Variants in SCP2 observed in about 807,000 individuals in gnomAD.
SCP2 encodes SCP-2/3-oxoacyl-CoA thiolase.
In SCP2, 48 loss-of-function variants were observed where a neutral mutation model predicts 71.4. The ratio of observed to expected loss-of-function variants is 0.67; its 90% confidence interval spans 0.53 to 0.86. The LOEUF is 0.86. Ranked by LOEUF, SCP2 falls within the 40% of genes least tolerant of loss-of-function variation. The probability of loss-of-function intolerance (pLI) is 0.00; values close to 1 mark genes in which losing one functional copy is unlikely to be tolerated. For missense variants in SCP2, 560 were observed against 655.6 expected (o/e 0.85, Z 1.59); for synonymous variants, 220 against 218.1 (o/e 1.01, Z -0.08).
chr1:53,000,267 A>G (rs919962986), intron 11 of SCP2, among the ~76,000 whole-genome samples: 5 of 149,140 alleles, frequency 3.4e-5, no homozygotes, highest in Non-Finnish European at 2.9e-5. Flanking sequence ...AAAAAAAAAA[A>G]AAAGAAAGAA....
intron 12 of SCP2, among the ~76,000 whole-genome samples, chr1:53,022,815 T>C (rs1330985000): frequency 2.6e-5 from 4 of 152,186 alleles, no homozygotes; most frequent in Non-Finnish European, 5.9e-5. Context: ...TCTTTGACAT[T>C]GTTGTAGCAG....
intron 11 of SCP2, among the ~76,000 whole-genome samples, chr1:53,009,429 A>G (rs1041291514): frequency 3.3e-5 from 5 of 152,228 alleles, no homozygotes; most frequent in African/African-American, 1.2e-4. Context: ...CAAAACAGAG[A>G]TATAGACCAA....
intron 11 of SCP2, among the ~76,000 whole-genome samples, chr1:53,000,453 T>C (rs1178442701): frequency 6.6e-6 from 1 of 152,212 alleles, no homozygotes; most frequent in South Asian, 2.1e-4. Context: ...CCTTTTGTCG[T>C]AGTTCAGCCT....
chr1:52,993,350 A>T, intron 11 of SCP2: 1 of 1,614,166 alleles, frequency 6.2e-7, no homozygotes, highest in Non-Finnish European at 8.5e-7. Flanking sequence ...TGATGCCTCC[A>T]TGTATGTTAC....
At chr1:52,951,680 T>C (rs1450871740) in intron 4 of SCP2, among the ~76,000 whole-genome samples, 1 of 151,966 alleles carries the variant, frequency 6.6e-6, no homozygotes, top group Admixed American at 6.6e-5. Flanking sequence ...TTTTTGTATA[T>C]TCACAGAATT....
chr1:52,980,746 G>A (rs1170838531), intron 10 of SCP2, among the ~76,000 whole-genome samples: 1 of 152,158 alleles, frequency 6.6e-6, no homozygotes, highest in Non-Finnish European at 1.5e-5. Context: ...ATGATGGAGT[G>A]TCCAGATAAT....
intron 6 of SCP2, among the ~76,000 whole-genome samples, chr1:52,973,166 C>T (rs1657644378): frequency 6.6e-6 from 1 of 152,172 alleles, no homozygotes; most frequent in Non-Finnish European, 1.5e-5. Context: ...TAGGTCAATG[C>T]ATTAATTAAT....
At chr1:53,041,169 C>A (rs1342356373) in intron 14 of SCP2, among the ~76,000 whole-genome samples, 1 of 152,024 alleles carries the variant, frequency 6.6e-6, no homozygotes, top group South Asian at 2.1e-4. Flanking sequence ...TTTGGGAGGC[C>A]GAGGCGGGCG....
chr1:53,037,411 A>G (rs758522074), intron 13 of SCP2, among the ~76,000 whole-genome samples: 3 of 152,088 alleles, frequency 2.0e-5, no homozygotes, highest in Non-Finnish European at 4.4e-5. Context: ...TAGTGATCAT[A>G]GCGTATTGAC....
intron 13 of SCP2, among the ~76,000 whole-genome samples, chr1:53,032,257 A>G (rs1321890372): frequency 9.8e-5 from 15 of 152,306 alleles, no homozygotes; most frequent in Admixed American, 2.0e-4. Context: ...GGATTAAAGC[A>G]ACCTGGGATT....
chr1:52,932,620 A>AG (rs1187782187), intron 1 of SCP2, among the ~76,000 whole-genome samples: 3 of 152,184 alleles, frequency 2.0e-5, no homozygotes, highest in Non-Finnish European at 2.9e-5. Flanking sequence ...TGGGTCCAGG[A>AG]GGGAGGTCTC....
intron 4 of SCP2, among the ~76,000 whole-genome samples, chr1:52,953,980 TCAAAAAAAAAAA>T (rs1270694706): frequency 1.3e-5 from 1 of 77,462 alleles, no homozygotes; most frequent in Non-Finnish European, 2.6e-5. Context: ...AGACACTGTC[TCAAAAAAAAAAA>T]CAAAAAAAAC....
At chr1:53,032,722 C>T (rs1183851795) in intron 13 of SCP2, among the ~76,000 whole-genome samples, 1 of 152,142 alleles carries the variant, frequency 6.6e-6, no homozygotes, top group African/African-American at 2.4e-5. Flanking sequence ...GAAGTTCAAG[C>T]CTGAGAGTGT....
rs1663204200 is a variant in SCP2, at chr1:53,038,807, GCTC to G, written c.1339-108_1339-106del. 2.2e-6 allele frequency: 3 copies of G among 1,378,236 alleles called. No individual in the cohort carries two copies. In the Admixed American group the frequency reaches 5.2e-5, roughly 24 times the overall value. The allele number at this position is 1,378,236 out of a possible 1,614,324, so 85.4% of individuals were successfully genotyped here. A position where few individuals can be genotyped will look rare whatever the true frequency, so the allele number is the denominator to read the frequency against. On this transcript the variant is annotated intron_variant, in intron 13 of 15. Coordinates refer to ENST00000371514, the MANE Select transcript of SCP2 (RefSeq NM_002979.5). Reference sequence around the variant, plus strand: ...AAGATCATAAGGGACCTTGGGGACCGCTCCCTGGCCCGTATACTCATATCATGT... The same window carrying G: ...AAGATCATAAGGGACCTTGGGGACCGCCTGGCCCGTATACTCATATCATGT...
At chr1:52,997,644 G>C (rs752393144) in intron 11 of SCP2, among the ~76,000 whole-genome samples, 2 of 152,198 alleles carry the variant, frequency 1.3e-5, no homozygotes, top group African/African-American at 2.4e-5. Context: ...ACAGGAGAGA[G>C]ATAACTGAAG....
intron 10 of SCP2, among the ~76,000 whole-genome samples, chr1:52,987,502 A>C (rs1295012983): frequency 6.6e-6 from 1 of 152,218 alleles, no homozygotes; most frequent in Non-Finnish European, 1.5e-5. Flanking sequence ...ATTGACAGGA[A>C]CATTGAAGCC....
At chr1:52,930,555 G>A (rs1190796901) in intron 1 of SCP2, among the ~76,000 whole-genome samples, 1 of 152,146 alleles carries the variant, frequency 6.6e-6, no homozygotes, top group Non-Finnish European at 1.5e-5. Context: ...GAGCCTGGGA[G>A]GTTGAGGCTG....
intron 10 of SCP2, among the ~76,000 whole-genome samples, chr1:52,982,214 C>T (rs1658567304): frequency 6.6e-6 from 1 of 152,070 alleles, no homozygotes; most frequent in Admixed American, 6.6e-5. Flanking sequence ...AGCACCACCC[C>T]CCACAGTTGT....
intron 1 of SCP2, among the ~76,000 whole-genome samples, chr1:52,934,616 T>A (rs1653510472): frequency 9.7e-6 from 1 of 103,530 alleles, no homozygotes; most frequent in African/African-American, 4.1e-5. Flanking sequence ...TTTTTTTTTT[T>A]TTTTTTTTTT....
Sources: allele counts gnomAD v4.1 joint callset (sites outside exome capture counted in the v4.1 genomes callset), GRCh38; gene constraint gnomAD v4.1.1; transcripts MANE v1.5; gene names NCBI Gene and HGNC (gene_info 2026-07-23, HGNC 2026-07-21).